Variants in PNLIPRP3 observed in about 807,000 individuals in gnomAD.
The protein encoded by PNLIPRP3 is pancreatic lipase related protein 3, also known as pancreatic lipase-related protein 3.
Under a neutral mutation model 52.8 loss-of-function variants are expected in PNLIPRP3, and 58 were observed. That is an observed-to-expected ratio of 1.10 (90% CI 0.89 to 1.37). The LOEUF (loss-of-function observed/expected upper bound fraction) is 1.37. PNLIPRP3 is among the 40% of genes most tolerant of loss of function. The pLI is 0.00. For missense variants in PNLIPRP3, 593 were observed against 561.6 expected (o/e 1.06, Z -0.57); for synonymous variants, 192 against 185.0 (o/e 1.04, Z -0.31).
chr10:116,457,903 A>G (rs1846137984), intron 5 of PNLIPRP3, among the ~76,000 whole-genome samples: 2 of 152,206 alleles, frequency 1.3e-5, no homozygotes, highest in African/African-American at 4.8e-5. Flanking sequence ...GGTTTTCTGA[A>G]TGTCCAAAGA....
At chr10:116,440,143 A>G (rs1263769176) in intron 2 of PNLIPRP3, 1 of 609,218 alleles carries the variant, frequency 1.6e-6, no homozygotes, top group Non-Finnish European at 2.9e-6. Context: ...GCCTTTTAGG[A>G]TGTTCAGGGC....
intron 1 of PNLIPRP3, among the ~76,000 whole-genome samples, chr10:116,429,958 T>G (rs1203226283): frequency 6.6e-6 from 1 of 152,122 alleles, no homozygotes; most frequent in Non-Finnish European, 1.5e-5. Context: ...GAAGTCAATT[T>G]AAGATGAAAG....
At chr10:116,440,319 G>T (rs938073132) in intron 2 of PNLIPRP3, among the ~76,000 whole-genome samples, 4 of 152,132 alleles carry the variant, frequency 2.6e-5, no homozygotes, top group Non-Finnish European at 4.4e-5. Flanking sequence ...GTGAAGCTGG[G>T]TCCTACTGCC....
intron 4 of PNLIPRP3, among the ~76,000 whole-genome samples, chr10:116,454,624 G>A (rs376412895): frequency 1.8e-4 from 27 of 152,198 alleles, no homozygotes; most frequent in East Asian, 5.8e-4. Flanking sequence ...CTCTACTTAC[G>A]TAGTTTGACT....
chr10:116,471,902 G>A (rs1291429250), intron 10 of PNLIPRP3, 23 bp downstream of exon 10: 14 of 1,429,230 alleles, frequency 9.8e-6, no homozygotes, highest in Admixed American at 5.1e-5. Flanking sequence ...AGAAACTGAC[G>A]CTTTGCACAG....
rs773804324 is a variant in PNLIPRP3 at position 116,443,171 on chromosome 10, C to A, written c.321C>A (p.Cys107Ter). The A allele has an allele frequency of 1.9e-6, 3 of 1,607,266 alleles. No individual in the cohort carries two copies. Among genetic ancestry groups the A allele is most frequent in the Non-Finnish European group, 2.6e-6 (3 of 1,176,456 alleles). ...ATGGCAAATGGCAGAGAGACATGTG[C>A]AATGTATGACATGAATAAGCTCCTT... ...KTDGKWQRDM[C>*]NVLLQLEDIN... is the part of the protein sequence containing the mutation. Residue 107 changes from cysteine to a stop codon, truncating the protein, a stop_gained, in exon 3 of 12, where the codon TGC becomes TGA. Transcript: ENST00000369230. LOFTEE classifies it high-confidence loss of function.
rs1270944596 is a variant in PNLIPRP3, at chr10:116,469,939, G to A, written c.1060+622G>A. Among the ~76,000 whole-genome samples, 4 of 147,702 alleles carry A rather than the reference G, an allele frequency of 2.7e-5. No homozygotes were observed. The East Asian group carries it at 8.0e-4, about 30-fold the overall frequency. On this transcript the variant is annotated intron_variant, in intron 9 of 11. Coordinates refer to ENST00000369230, the MANE Select transcript of PNLIPRP3 (RefSeq NM_001011709.3). ...GAAGGCCACAAGATGGAAGCAGGGTGCCTGTTACACAATTATTGCCACAAT... is the reference window on the plus strand; with the variant it reads ...GAAGGCCACAAGATGGAAGCAGGGTACCTGTTACACAATTATTGCCACAAT...
chr10:116,427,891 C>A lies in PNLIPRP3; in HGVS notation c.-122C>A, dbSNP rs566927270. The stretch of plus-strand genomic sequence containing the variant: ...AGGTGGAATAACATGTTCTTTTAAA[C>A]GTAGAGTTTAAACATTGAGTTGCAT... On this transcript the variant is annotated 5_prime_UTR_variant, in exon 1 of 12. Transcript: ENST00000369230. 1.3e-6 allele frequency: 1 copy of A among 743,748 alleles called. No homozygotes were observed. The highest frequency in any genetic ancestry group is 2.4e-6 in the Non-Finnish European group (1 of 420,564). 46.1% of individuals were successfully genotyped at this position (743,748 alleles called of 1,614,324 possible).
intron 9 of PNLIPRP3, 49 bp downstream of exon 9, chr10:116,469,366 T>G (rs780971877): frequency 6.6e-7 from 1 of 1,515,206 alleles, no homozygotes; most frequent in Admixed American, 2.3e-5. Context: ...GTACTTATCT[T>G]TAAAAATTCA....
chr10:116,446,191 A>C (rs1845947370), intron 4 of PNLIPRP3, among the ~76,000 whole-genome samples: 1 of 151,890 alleles, frequency 6.6e-6, no homozygotes, highest in African/African-American at 2.4e-5. Flanking sequence ...CTAAAAATAC[A>C]AAAAATTAGC....
At chr10:116,448,436 A>T (rs560887104) in intron 4 of PNLIPRP3, among the ~76,000 whole-genome samples, 165 of 152,376 alleles carry the variant, frequency 1.1e-3, no homozygotes, top group African/African-American at 3.2e-3. Flanking sequence ...CGAAAGATTT[A>T]AAAAAGCTAT....
chr10:116,471,005 G>A (rs191168356), intron 9 of PNLIPRP3, among the ~76,000 whole-genome samples: 6 of 152,200 alleles, frequency 3.9e-5, no homozygotes, highest in African/African-American at 7.2e-5. Context: ...TAGAATGGGC[G>A]GAGAAGAGAA....
intron 10 of PNLIPRP3, among the ~76,000 whole-genome samples, chr10:116,476,196 G>A (rs1846463180): frequency 6.6e-6 from 1 of 152,172 alleles, no homozygotes; most frequent in African/African-American, 2.4e-5. Flanking sequence ...GGTTAAAGAA[G>A]GTACCAGAAA....
intron 4 of PNLIPRP3, among the ~76,000 whole-genome samples, chr10:116,448,849 C>A (rs1343485614): frequency 6.6e-6 from 1 of 151,902 alleles, no homozygotes; most frequent in Non-Finnish European, 1.5e-5. Context: ...AATCCCATAT[C>A]TACTAAAAAT....
chr10:116,435,400 T>C (rs1395983862), intron 1 of PNLIPRP3, among the ~76,000 whole-genome samples: 1 of 141,034 alleles, frequency 7.1e-6, no homozygotes, highest in Non-Finnish European at 1.5e-5. Context: ...GATCAAAAAA[T>C]AGAAGGTTAC....
intron 5 of PNLIPRP3, among the ~76,000 whole-genome samples, chr10:116,456,603 A>T (rs1846117708): frequency 6.6e-6 from 1 of 152,206 alleles, no homozygotes. Context: ...TATACCGTTA[A>T]GTCTAAAAAT....
intron 2 of PNLIPRP3, among the ~76,000 whole-genome samples, chr10:116,440,565 A>G (rs1429954118): frequency 6.6e-6 from 1 of 152,208 alleles, no homozygotes; most frequent in Non-Finnish European, 1.5e-5. Context: ...CATATGCTAT[A>G]TGAATTGGAC....
At position 116,461,058 on chromosome 10, in the gene PNLIPRP3, A is replaced by T. The variant is rs200485970; in HGVS notation, c.658A>T (p.Asn220Tyr). ...DANFVDVIHT[N>Y]AARILFELGV... is the part of the protein sequence containing the mutation. ...CAACTTTGTTGACGTTATTCATACA[A>T]ATGCAGCTCGCATCCTCTTTGAGCT... The change falls in exon 6 of 12, where the codon AAT (asparagine) becomes TAT (tyrosine). Residue 220 changes from asparagine to tyrosine, a missense_variant. Asn to Tyr is a moderately radical substitution (Grantham distance 143). Transcript: ENST00000369230. The T allele has an allele frequency of 6.2e-7, 1 of 1,614,188 alleles. No individual in the cohort carries two copies. The highest frequency in any genetic ancestry group is 8.5e-7 in the Non-Finnish European group (1 of 1,180,032).
At chr10:116,446,775 G>A (rs536439821) in intron 4 of PNLIPRP3, among the ~76,000 whole-genome samples, 18 of 152,224 alleles carry the variant, frequency 1.2e-4, no homozygotes, top group African/African-American at 3.9e-4. Flanking sequence ...CAGCTACAAC[G>A]AAGGCCAGAG....
Sources: gnomAD v4.1 joint callset for allele counts (sites outside exome capture counted in the v4.1 genomes callset) on GRCh38, gnomAD v4.1.1 for gene constraint, MANE v1.5 for transcripts, NCBI Gene and HGNC (gene_info 2026-07-23, HGNC 2026-07-21) for gene names.